AKAP6: variants seen among roughly 807,000 people sequenced by gnomAD.
The protein encoded by AKAP6 is A-kinase anchor protein 6.
AKAP6 carries 58 observed loss-of-function variants against 188.5 expected under a neutral mutation model. That is an observed-to-expected ratio of 0.31 (90% CI 0.25 to 0.38). The LOEUF is 0.38. AKAP6 is among the 10% of genes least tolerant of loss of function. The probability of loss-of-function intolerance (pLI) is 1.00; values close to 1 mark genes in which losing one functional copy is unlikely to be tolerated. For missense variants in AKAP6, 2,710 were observed against 2,740.0 expected, an observed-to-expected ratio of 0.99 and a Z score of 0.24; for synonymous variants, 989 against 998.6, an observed-to-expected ratio of 0.99 and a Z score of 0.18.
In AKAP6 at chr14:32,510,545, A is replaced by T. The variant is rs1022023255; in HGVS notation, c.325-25009A>T. ...AATCTTATTCCCTGGAGATATTTTG[A>T]TACAATTTCTCTGTATACTTGTTTT... On this transcript the variant is annotated intron_variant, in intron 2 of 13. Transcript: ENST00000280979. 6.1e-5 allele frequency among the ~76,000 whole-genome samples: 9 copies of T among 147,932 alleles called. No homozygotes were observed. The Admixed American group carries it at 6.1e-4, about 10-fold the overall frequency.
At chr14:32,575,239 A>G (rs1344444097) in intron 4 of AKAP6, among the ~76,000 whole-genome samples, 1 of 152,182 alleles carries the variant, frequency 6.6e-6, no homozygotes, top group African/African-American at 2.4e-5. Flanking sequence ...TACCCTGAAG[A>G]TAGGAGAAGG....
intron 9 of AKAP6, among the ~76,000 whole-genome samples, chr14:32,723,099 A>G (rs951294577): frequency 6.6e-6 from 1 of 152,144 alleles, no homozygotes; most frequent in Non-Finnish European, 1.5e-5. Flanking sequence ...AAGGGGTTTA[A>G]CTGCAAGTGG....
intron 7 of AKAP6, among the ~76,000 whole-genome samples, chr14:32,629,404 G>A (rs1887159318): frequency 8.0e-6 from 1 of 124,586 alleles, no homozygotes; most frequent in Admixed American, 8.8e-5. Flanking sequence ...GCTGAAGTGC[G>A]AGTTTCTCAA....
At chr14:32,731,613 T>C (rs898521351) in intron 9 of AKAP6, among the ~76,000 whole-genome samples, 1 of 152,104 alleles carries the variant, frequency 6.6e-6, no homozygotes, top group African/African-American at 2.4e-5. Context: ...TTAACCAGAA[T>C]CTAGATTTTC....
chr14:32,603,509 A>G (rs545892055), intron 7 of AKAP6, among the ~76,000 whole-genome samples: 6 of 152,300 alleles, frequency 3.9e-5, no homozygotes, highest in African/African-American at 1.4e-4. Flanking sequence ...TCTCAAAAAG[A>G]GGACCTGCCT....
intron 12 of AKAP6, among the ~76,000 whole-genome samples, chr14:32,793,497 C>CTAATATATATATA (rs1443991009): frequency 2.5e-4 from 38 of 151,620 alleles, no homozygotes; most frequent in African/African-American, 9.2e-4. Flanking sequence ...ATATATGCAC[C>CTAATATATATATA]CAATACAGAA....
intron 2 of AKAP6, among the ~76,000 whole-genome samples, chr14:32,535,136 A>G (rs1447454231): frequency 1.3e-5 from 2 of 152,116 alleles, no homozygotes; most frequent in Admixed American, 6.6e-5. Context: ...TCTTTCTTCA[A>G]AGGTGTCTAG....
chr14:32,475,932 C>T (rs547763539), intron 2 of AKAP6, among the ~76,000 whole-genome samples: 7 of 152,104 alleles, frequency 4.6e-5, no homozygotes, highest in African/African-American at 1.7e-4. Context: ...ATCCGCCCGC[C>T]TCGGCCTCCC....
intron 3 of AKAP6, among the ~76,000 whole-genome samples, chr14:32,539,492 C>G (rs886797653): frequency 1.1e-4 from 16 of 152,150 alleles, no homozygotes; most frequent in Admixed American, 9.2e-4. Flanking sequence ...TCTCCCACAG[C>G]ACATAGTTCA....
chr14:32,542,818 A>G (rs1883019542), intron 3 of AKAP6, among the ~76,000 whole-genome samples: 1 of 152,236 alleles, frequency 6.6e-6, no homozygotes, highest in African/African-American at 2.4e-5. Flanking sequence ...TATCTATGAC[A>G]TCGTTGATTT....
intron 1 of AKAP6, among the ~76,000 whole-genome samples, chr14:32,397,460 C>G (rs964493263): frequency 6.7e-6 from 1 of 149,150 alleles, no homozygotes; most frequent in Non-Finnish European, 1.5e-5. Context: ...TCACTGCAGT[C>G]TCTGCCTCCC....
intron 2 of AKAP6, among the ~76,000 whole-genome samples, chr14:32,523,509 C>G (rs1480109936): frequency 1.3e-5 from 2 of 150,176 alleles, no homozygotes; most frequent in Non-Finnish European, 3.0e-5. Context: ...GATTCTGTCG[C>G]CCAGGCTAGA....
chr14:32,507,557 C>G (rs1022223364), intron 2 of AKAP6, among the ~76,000 whole-genome samples: 21 of 148,740 alleles, frequency 1.4e-4, no homozygotes, highest in Non-Finnish European at 2.5e-4. Context: ...TTTTTTTCTT[C>G]CATTTCCATC....
chr14:32,329,746 A>G (rs1457001156), intron 1 of AKAP6, among the ~76,000 whole-genome samples: 1 of 152,094 alleles, frequency 6.6e-6, no homozygotes, highest in Non-Finnish European at 1.5e-5. Flanking sequence ...TTGTAAAAAT[A>G]TAGATTTCTT....
chr14:32,627,262 A>G (rs886361351), intron 7 of AKAP6, among the ~76,000 whole-genome samples: 1 of 152,176 alleles, frequency 6.6e-6, no homozygotes, highest in African/African-American at 2.4e-5. Flanking sequence ...AATCAGCGTG[A>G]AAATCAGAAA....
chr14:32,722,704 GATTA>G (rs1385921500), intron 9 of AKAP6, among the ~76,000 whole-genome samples: 1 of 152,158 alleles, frequency 6.6e-6, no homozygotes, highest in African/African-American at 2.4e-5. Flanking sequence ...TCTAGGGAAA[GATTA>G]TCTTCTCACT....
chr14:32,632,308 G>T (rs1341438351), intron 7 of AKAP6, among the ~76,000 whole-genome samples: 2 of 152,018 alleles, frequency 1.3e-5, no homozygotes, highest in East Asian at 3.9e-4. Flanking sequence ...GGAATGATCA[G>T]TCAATTCATT....
intron 2 of AKAP6, among the ~76,000 whole-genome samples, chr14:32,492,367 G>T (rs1342485923): frequency 2.8e-4 from 29 of 102,792 alleles, no homozygotes; most frequent in African/African-American, 6.7e-4. Flanking sequence ...GAGAGAGAGA[G>T]AGAGAGAGAG....
At chr14:32,402,578 A>G (rs2138619304) in intron 1 of AKAP6, among the ~76,000 whole-genome samples, 1 of 152,288 alleles carries the variant, frequency 6.6e-6, no homozygotes, top group South Asian at 2.1e-4. Flanking sequence ...TGGAGAACTA[A>G]TGTCCCTACT....
Sources: gnomAD v4.1 joint callset for allele counts (sites outside exome capture counted in the v4.1 genomes callset) on GRCh38, gnomAD v4.1.1 for gene constraint, MANE v1.5 for transcripts, NCBI Gene and HGNC (gene_info 2026-07-23, HGNC 2026-07-21) for gene names.